Variants in ABCA4 observed in about 807,000 individuals in gnomAD.
The protein encoded by ABCA4 is retinal-specific phospholipid-transporting ATPase ABCA4.
Under a neutral mutation model 263.7 loss-of-function variants are expected in ABCA4, and 196 were observed. The ratio of observed to expected loss-of-function variants is 0.74; its 90% CI spans 0.66 to 0.84. The LOEUF (loss-of-function observed/expected upper bound fraction) is 0.84. Among genes scored for constraint, ABCA4 ranks in the 40% least tolerant of loss-of-function variants. The pLI is 0.00. For synonymous variants in ABCA4, 1,133 were observed against 1,094.2 expected, an observed-to-expected ratio of 1.04 and a Z score of -0.70; for missense variants, 2,792 against 2,855.1, an observed-to-expected ratio of 0.98 and a Z score of 0.50.
In ABCA4 at chr1:94,044,695, CA is replaced by C. The variant is rs2101053527; in HGVS notation, c.2967del (p.Gly991GlufsTer40). On this transcript the variant is annotated frameshift_variant, in exon 20 of 50. Coordinates refer to ENST00000370225, the MANE Select transcript of ABCA4 (RefSeq NM_000350.3). LOFTEE classifies it high-confidence loss of function. ...LLPPTSGTVL[V>X]GGRDIETSLD... Reference sequence around the variant, plus strand: ...AGGCTGGTTTCAATGTCCCTTCCCCCAACGAGCACAGTCCCAGAGGTTGGTG... The same window carrying C: ...AGGCTGGTTTCAATGTCCCTTCCCCCACGAGCACAGTCCCAGAGGTTGGTG... The C allele has an allele frequency of 6.2e-7, 1 of 1,614,168 alleles. No homozygotes were observed. Among genetic ancestry groups the C allele is most frequent in the Non-Finnish European group, 8.5e-7 (1 of 1,180,034 alleles).
At chr1:94,107,377 TC>T (rs1020120638) in intron 4 of ABCA4, among the ~76,000 whole-genome samples, 4 of 152,160 alleles carry the variant, frequency 2.6e-5, no homozygotes, top group Admixed American at 2.6e-4. Context: ...CTTTACTTCC[TC>T]ACGACCACTC....
intron 27 of ABCA4, among the ~76,000 whole-genome samples, chr1:94,031,359 C>G (rs1322727370): frequency 6.6e-6 from 1 of 152,118 alleles, no homozygotes; most frequent in African/African-American, 2.4e-5. Context: ...CAGTGTTCAG[C>G]CAGACTTCAA....
intron 36 of ABCA4, chr1:94,018,505 T>C (rs1252273000): frequency 2.3e-6 from 1 of 434,366 alleles, no homozygotes; most frequent in Non-Finnish European, 4.5e-6. Context: ...GGTTTTGTAT[T>C]GTTAAGTGAT....
chr1:94,060,735 A>G lies in ABCA4; in HGVS notation c.1962T>C (p.Cys654=), dbSNP rs976467572. Reference sequence around the variant, plus strand: ...ATGCCAGCACCATGAAGATAGGGAAACAGCGGTTCAGGATGATCATGAAAC... The same window carrying G: ...ATGCCAGCACCATGAAGATAGGGAAGCAGCGGTTCAGGATGATCATGAAAC... The part of the protein sequence containing the change: ...DDSFMIILNR[C]FPIFMVLAWI... Residue 654 remains cysteine, a synonymous_variant, in exon 14 of 50, where the codon TGT becomes TGC. Coordinates refer to ENST00000370225, the MANE Select transcript of ABCA4 (RefSeq NM_000350.3). 8.1e-6 allele frequency: 13 copies of G among 1,613,312 alleles called. No homozygotes were observed. Among genetic ancestry groups the G allele is most frequent in the Non-Finnish European group, 1.0e-5 (12 of 1,179,678 alleles).
Position 94,005,585 on chromosome 1 carries a change from G to T in ABCA4, c.6006-3C>A, listed in dbSNP as rs767972465. 1 of 1,613,684 alleles carries T rather than the reference G, an allele frequency of 6.2e-7. No homozygotes were observed. The highest frequency in any genetic ancestry group is 8.5e-7 in the Non-Finnish European group (1 of 1,179,700). ...CTTCAGAAATATTGGTTAAAATACTGCAAGAAAAAAAGCAATTACTGAGTA... is the reference window on the plus strand; with the variant it reads ...CTTCAGAAATATTGGTTAAAATACTTCAAGAAAAAAAGCAATTACTGAGTA... On this transcript the variant is annotated splice_polypyrimidine_tract_variant and splice_region_variant and intron_variant, in intron 43 of 49. Coordinates refer to ENST00000370225, the MANE Select transcript of ABCA4 (RefSeq NM_000350.3).
intron 43 of ABCA4, among the ~76,000 whole-genome samples, chr1:94,006,984 A>T (rs1324821118): frequency 1.3e-5 from 2 of 152,204 alleles, no homozygotes; most frequent in African/African-American, 4.8e-5. Flanking sequence ...AGTCTGTTTA[A>T]ACACATTTTA....
At chr1:94,028,855 C>T (rs557503561) in intron 30 of ABCA4, among the ~76,000 whole-genome samples, 10 of 127,120 alleles carry the variant, frequency 7.9e-5, no homozygotes, top group Non-Finnish European at 1.2e-4. Flanking sequence ...TGCAGTGAGC[C>T]GAGATCACAC....
At chr1:94,119,382 G>A (rs930068475) in intron 1 of ABCA4, among the ~76,000 whole-genome samples, 52 of 152,100 alleles carry the variant, frequency 3.4e-4, no homozygotes, top group Admixed American at 2.4e-3. Flanking sequence ...GCCTCCCTGC[G>A]TCCTGGGCCA....
At chr1:94,044,853 G>C in intron 19 of ABCA4, 109 bp from the exon 20 acceptor site, 1 of 1,563,246 alleles carries the variant, frequency 6.4e-7, no homozygotes, top group South Asian at 1.1e-5. Flanking sequence ...TCCTGCCTGG[G>C]GCTGTCAGTC....
rs762776384 is a variant in ABCA4 at position 94,114,438 on chromosome 1, G to A, written c.67-1372C>T. On this transcript the variant is annotated intron_variant, in intron 1 of 49. Coordinates refer to ENST00000370225, the MANE Select transcript of ABCA4 (RefSeq NM_000350.3). ...AGGGAGGATGTGTTGGAGGAAGCGC[G>A]CACACACACACACAATATGGGAAGA... Among the ~76,000 whole-genome samples, 8 of 151,454 alleles carry A rather than the reference G, an allele frequency of 5.3e-5. No homozygotes were observed. The East Asian group carries it at 5.8e-4, about 11-fold the overall frequency.
In ABCA4 at chr1:94,075,288, A is replaced by G. The variant is rs560686430; in HGVS notation, c.1554+2402T>C. On this transcript the variant is annotated intron_variant, in intron 11 of 49. Transcript: ENST00000370225. The stretch of plus-strand genomic sequence containing the variant: ...TGGCACACATATACCTATGTAACAA[A>G]CCTACACATTCTGCACTTGTATCCC... 2.0e-5 allele frequency among the ~76,000 whole-genome samples: 3 copies of G among 152,260 alleles called. No homozygotes were observed. In the South Asian group the frequency reaches 6.2e-4, roughly 32 times the overall value.
At chr1:94,008,894 G>A (rs1191664879) in intron 40 of ABCA4, 23 bp from the exon 41 acceptor site, 1 of 1,610,318 alleles carries the variant, frequency 6.2e-7, no homozygotes, top group East Asian at 2.2e-5. Context: ...AAGGGGTCAG[G>A]ATTGGGCTGG....
At chr1:94,009,268 G>C (rs958380515) in intron 40 of ABCA4, among the ~76,000 whole-genome samples, 7 of 152,244 alleles carry the variant, frequency 4.6e-5, no homozygotes, top group African/African-American at 1.2e-4. Context: ...GGACTAAAAT[G>C]CTTCCTCTAC....
intron 11 of ABCA4, among the ~76,000 whole-genome samples, chr1:94,073,367 T>A (rs1244666977): frequency 6.6e-6 from 1 of 152,198 alleles, no homozygotes. Context: ...CGTGAAGTCC[T>A]GGCGGCCCCG....
intron 1 of ABCA4, among the ~76,000 whole-genome samples, chr1:94,114,427 G>A (rs1186243508): frequency 6.6e-6 from 1 of 152,112 alleles, no homozygotes; most frequent in Non-Finnish European, 1.5e-5. Flanking sequence ...AGGATGTGTT[G>A]GAGGAAGCGC....
At chr1:94,083,856 C>T (rs1244684358) in intron 6 of ABCA4, among the ~76,000 whole-genome samples, 1 of 152,220 alleles carries the variant, frequency 6.6e-6, no homozygotes, top group Non-Finnish European at 1.5e-5. Flanking sequence ...GTCTTCTCGT[C>T]ATTGTTTACA....
At chr1:94,102,544 T>G (rs1662311515) in intron 5 of ABCA4, among the ~76,000 whole-genome samples, 1 of 151,878 alleles carries the variant, frequency 6.6e-6, no homozygotes, top group African/African-American at 2.4e-5. Context: ...GGATTTTCCT[T>G]GCAGCACCCA....
At chr1:94,022,360 C>T (rs1372280965) in intron 32 of ABCA4, among the ~76,000 whole-genome samples, 1 of 152,216 alleles carries the variant, frequency 6.6e-6, no homozygotes, top group African/African-American at 2.4e-5. Context: ...TCCAGGTCCT[C>T]TTTCACATGT....
intron 17 of ABCA4, 97 bp downstream of exon 17, chr1:94,051,536 G>A (rs369693059): frequency 2.1e-5 from 24 of 1,134,406 alleles, no homozygotes; most frequent in South Asian, 2.5e-5. Flanking sequence ...GAATCACACC[G>A]TTTACATAGA....
Sources: gnomAD v4.1 joint callset for allele counts (sites outside exome capture counted in the v4.1 genomes callset) on GRCh38, gnomAD v4.1.1 for gene constraint, MANE v1.5 for transcripts, NCBI Gene and HGNC (gene_info 2026-07-23, HGNC 2026-07-21) for gene names.